Variants in NDRG1 observed in about 807,000 individuals in gnomAD.
NDRG1 encodes the protein protein NDRG1.
Under a neutral mutation model 56.9 loss-of-function variants are expected in NDRG1, and 32 were observed. The ratio of observed to expected loss-of-function variants is 0.56; its 90% CI spans 0.42 to 0.76. NDRG1 has a LOEUF of 0.76. NDRG1 is among the 30% of genes least tolerant of loss of function. The probability of loss-of-function intolerance (pLI) is 0.00; values close to 1 mark genes in which losing one functional copy is unlikely to be tolerated. For synonymous variants in NDRG1, 211 were observed against 204.1 expected, an observed-to-expected ratio of 1.03 and a Z score of -0.29; for missense variants, 507 against 545.7, an observed-to-expected ratio of 0.93 and a Z score of 0.71.
intron 3 of NDRG1, among the ~76,000 whole-genome samples, chr8:133,270,098 G>T (rs1332117634): frequency 1.3e-5 from 2 of 152,222 alleles, no homozygotes; most frequent in African/African-American, 2.4e-5. Flanking sequence ...CAGCCAGGCC[G>T]CCAATTCCCA....
chr8:133,283,981 C>A (rs971474160), intron 2 of NDRG1, among the ~76,000 whole-genome samples: 2 of 152,214 alleles, frequency 1.3e-5, no homozygotes, highest in Admixed American at 6.5e-5. Context: ...GGGGCCCAGC[C>A]CTCGATCCTA....
intron 2 of NDRG1, 44 bp from the exon 3 acceptor site, chr8:133,280,311 TG>T: frequency 1.3e-6 from 2 of 1,599,756 alleles, no homozygotes; most frequent in Non-Finnish European, 1.7e-6. Flanking sequence ...CTGTTTTCTC[TG>T]TAAGAGAAAT....
chr8:133,266,793 G>A (rs1390600302), intron 3 of NDRG1, among the ~76,000 whole-genome samples: 3 of 152,198 alleles, frequency 2.0e-5, no homozygotes, highest in African/African-American at 7.2e-5. Context: ...AGCTAGTGGG[G>A]GCAGTGGAAA....
intron 13 of NDRG1, 31 bp downstream of exon 13, chr8:133,246,585 C>T (rs896901916): frequency 6.2e-7 from 1 of 1,613,124 alleles, no homozygotes; most frequent in Non-Finnish European, 8.5e-7. Context: ...TAAGAAATAA[C>T]AAACACGAAC....
At chr8:133,239,466 C>T (rs1855260331) in intron 15 of NDRG1, 1 of 463,012 alleles carries the variant, frequency 2.2e-6, no homozygotes, top group African/African-American at 2.0e-5. Flanking sequence ...AATACTGACC[C>T]CTGGTATCAG....
In NDRG1 at chr8:133,248,740, G is replaced by A. The variant is rs1187584644; in HGVS notation, c.730C>T (p.Pro244Ser). The A allele has an allele frequency of 6.2e-7, 1 of 1,614,190 alleles. No homozygotes were observed. The highest frequency in any genetic ancestry group is 8.5e-7 in the Non-Finnish European group (1 of 1,180,040). Residue 244 changes from proline to serine, a missense_variant, in exon 11 of 16, where the codon CCG becomes TCG. Coordinates refer to ENST00000323851, the MANE Select transcript of NDRG1 (RefSeq NM_006096.4). ...TGCAGGGTGACTGTGTGGGTTCCCG[G>A]CATTGGTCGCTCAATCTCCAGGTCG... ...RRDLEIERPM[P>S]GTHTVTLQCP...
chr8:133,247,741 A>G, intron 12 of NDRG1, 134 bp downstream of exon 12: 1 of 957,386 alleles, frequency 1.0e-6, no homozygotes, highest in Non-Finnish European at 1.7e-6. Context: ...CCAAAGGCCA[A>G]TATGGCATTT....
intron 3 of NDRG1, among the ~76,000 whole-genome samples, chr8:133,279,597 G>A (rs1426316070): frequency 6.6e-6 from 1 of 152,210 alleles, no homozygotes; most frequent in African/African-American, 2.4e-5. Flanking sequence ...GAGACCACAA[G>A]CTCGCCATAT....
intron 7 of NDRG1, among the ~76,000 whole-genome samples, chr8:133,257,818 ATG>A (rs1489295644): frequency 6.6e-6 from 1 of 152,228 alleles, no homozygotes; most frequent in Non-Finnish European, 1.5e-5. Context: ...TTGTAGAATC[ATG>A]TCAGTATTCC....
Position 133,258,353 on chromosome 8 carries a change from C to G in NDRG1, c.450+13G>C, listed in dbSNP as rs1856487164. 2 of 1,608,790 alleles carry G rather than the reference C, an allele frequency of 1.2e-6. No individual in the cohort carries two copies. The highest frequency in any genetic ancestry group is 1.7e-6 in the Non-Finnish European group (2 of 1,177,458). On this transcript the variant is annotated intron_variant, in intron 7 of 15. Transcript: ENST00000323851. Reference sequence around the variant, plus strand: ...TTTAAAATGCGATTTTCAAAAAATGCCAAAGCACTCACAGCAAATCGAGTT... The same window carrying G: ...TTTAAAATGCGATTTTCAAAAAATGGCAAAGCACTCACAGCAAATCGAGTT...
chr8:133,283,917 G>A (rs1857952137), intron 2 of NDRG1, among the ~76,000 whole-genome samples: 1 of 152,212 alleles, frequency 6.6e-6, no homozygotes, highest in South Asian at 2.1e-4. Flanking sequence ...AGAACCTCTG[G>A]TTCGATGTCT....
intron 9 of NDRG1, 82 bp from the exon 10 acceptor site, chr8:133,250,625 T>A: frequency 8.6e-7 from 1 of 1,160,408 alleles, no homozygotes; most frequent in Non-Finnish European, 1.3e-6. Flanking sequence ...CTCCAGGTTA[T>A]TTGGAGACAA....
chr8:133,287,021 G>A (rs1858156168), intron 1 of NDRG1, among the ~76,000 whole-genome samples: 1 of 152,160 alleles, frequency 6.6e-6, no homozygotes, highest in Non-Finnish European at 1.5e-5. Context: ...TGGGAGGAGA[G>A]CGGCTCCCTC....
intron 11 of NDRG1, among the ~76,000 whole-genome samples, chr8:133,248,513 T>C (rs991664205): frequency 5.3e-5 from 8 of 152,190 alleles, no homozygotes; most frequent in African/African-American, 1.9e-4. Context: ...GCCTAGGTCA[T>C]GGGGACACCC....
At chr8:133,270,991 G>C (rs558511481) in intron 3 of NDRG1, among the ~76,000 whole-genome samples, 64 of 152,296 alleles carry the variant, frequency 4.2e-4, no homozygotes, top group African/African-American at 1.5e-3. Context: ...CTCCATGTCA[G>C]TTGTTATGGA....
chr8:133,259,850 A>C (rs1160728741), intron 5 of NDRG1, among the ~76,000 whole-genome samples: 2 of 152,334 alleles, frequency 1.3e-5, no homozygotes, highest in Non-Finnish European at 2.9e-5. Flanking sequence ...AAGCCTATCG[A>C]AACAGAGACC....
At chr8:133,242,116 A>C in intron 14 of NDRG1, 42 bp from the exon 15 acceptor site, 1 of 1,611,560 alleles carries the variant, frequency 6.2e-7, no homozygotes. Flanking sequence ...GTTGCTGGGG[A>C]GCCAGATCAC....
intron 9 of NDRG1, 86 bp downstream of exon 9, chr8:133,254,453 T>TC: frequency 6.9e-7 from 1 of 1,441,188 alleles, no homozygotes; most frequent in South Asian, 1.2e-5. Context: ...TCTTGTTCTC[T>TC]CCACCCCCAC....
chr8:133,237,709 A>T lies in NDRG1; in HGVS notation c.*1169T>A, dbSNP rs1349804770. ...GTGAGTTCCCACCCCCACCCCGACA[A>T]GAGCAAAGAGTTCTGAGGATCCAAG... On this transcript the variant is annotated 3_prime_UTR_variant, in exon 16 of 16. Transcript: ENST00000323851. 4.5e-6 allele frequency: 1 copy of T among 221,754 alleles called. No homozygotes were observed. Among genetic ancestry groups the T allele is most frequent in the Non-Finnish European group, 8.9e-6 (1 of 112,214 alleles). The allele number at this position is 221,754 out of a possible 1,614,324, so 13.7% of individuals were successfully genotyped here. A position where few individuals can be genotyped will look rare whatever the true frequency, so the allele number is the denominator to read the frequency against.
Sources: allele counts gnomAD v4.1 joint callset (sites outside exome capture counted in the v4.1 genomes callset), GRCh38; gene constraint gnomAD v4.1.1; transcripts MANE v1.5; gene names NCBI Gene and HGNC (gene_info 2026-07-23, HGNC 2026-07-21).